Variants in EXTL2 observed in about 807,000 individuals in gnomAD.
EXTL2 encodes the protein exostosin-like 2.
In EXTL2, 23 loss-of-function variants were observed where a neutral mutation model predicts 30.7. The observed-to-expected ratio is 0.75, with a 90% CI of 0.54 to 1.06. The LOEUF (loss-of-function observed/expected upper bound fraction) is 1.06. Ranked by LOEUF, EXTL2 falls within the 50% of genes least tolerant of loss-of-function variation. The pLI, the probability that EXTL2 is intolerant of heterozygous loss-of-function variation, is 0.00. For missense variants in EXTL2, 352 were observed against 396.3 expected (o/e 0.89, Z 0.95); for synonymous variants, 123 against 133.8 (o/e 0.92, Z 0.56).
intron 2 of EXTL2, among the ~76,000 whole-genome samples, chr1:100,882,899 C>T (rs1649674368): frequency 6.6e-6 from 1 of 152,182 alleles, no homozygotes; most frequent in Admixed American, 6.5e-5. Context: ...AATTATATGA[C>T]TTATTGCACA....
chr1:100,888,924 C>G, intron 1 of EXTL2, 96 bp from the exon 2 acceptor site: 1 of 468,734 alleles, frequency 2.1e-6, no homozygotes, highest in East Asian at 2.9e-5. Context: ...ATGCCATTGT[C>G]CATAAGCCTT....
chr1:100,894,049 T>A (rs1212780793), intron 1 of EXTL2, among the ~76,000 whole-genome samples: 1 of 152,198 alleles, frequency 6.6e-6, no homozygotes, highest in South Asian at 2.1e-4. Flanking sequence ...AATATAGGAC[T>A]TATTTTCAAA....
At chr1:100,878,506 T>A in intron 2 of EXTL2, 2 of 469,604 alleles carry the variant, frequency 4.3e-6, no homozygotes, top group Non-Finnish European at 4.4e-6. Context: ...GCAGAGGAGA[T>A]GATAGGGAGA....
chr1:100,881,470 A>G (rs1435686372), intron 2 of EXTL2, among the ~76,000 whole-genome samples: 1 of 152,228 alleles, frequency 6.6e-6, no homozygotes, highest in Non-Finnish European at 1.5e-5. Flanking sequence ...TAAGAAGTAA[A>G]CATAAGCACC....
At chr1:100,881,111 A>G (rs1649519884) in intron 2 of EXTL2, 1 of 779,874 alleles carries the variant, frequency 1.3e-6, no homozygotes, top group Non-Finnish European at 1.6e-6. Context: ...CATAGTGTAA[A>G]TATTTCATGA....
chr1:100,877,715 G>A lies in EXTL2; in HGVS notation c.194C>T (p.Ser65Phe). ...IKSQGKSTMDSFTLIMQTYNR... is the reference protein window; with the variant it reads ...IKSQGKSTMDFFTLIMQTYNR... ...GTACGTCTGCATTATGAGAGTAAAG[G>A]AGTCCATGGTGGACTTGCCCTGGGA... is the stretch of plus-strand genomic sequence containing the variant. Residue 65 changes from serine (S) to phenylalanine (F), a missense_variant, in exon 3 of 5, where the codon TCC (serine) becomes TTC (phenylalanine). By Grantham distance (155) the Ser-to-Phe change is radical (BLOSUM62 -2). Coordinates refer to ENST00000370114, the MANE Select transcript of EXTL2 (RefSeq NM_001033025.3). This position sits in a 1 kb window ranked among gnomAD's most constrained non-coding sequence, Gnocchi z 4.1. 1.2e-6 allele frequency: 2 copies of A among 1,613,464 alleles called. No homozygotes were observed. The highest frequency in any genetic ancestry group is 1.7e-6 in the Non-Finnish European group (2 of 1,179,634).
At chr1:100,889,117 A>T (rs1650205491) in intron 1 of EXTL2, among the ~76,000 whole-genome samples, 1 of 152,250 alleles carries the variant, frequency 6.6e-6, no homozygotes, top group Admixed American at 6.5e-5. Context: ...TGGGTAATTT[A>T]TAAAGGAAAG....
Position 100,894,789 on chromosome 1 carries a change from G to A in EXTL2, c.-228C>T, listed in dbSNP as rs1650751088. 1 of 151,980 alleles carries A rather than the reference G, an allele frequency of 6.6e-6. No individual in the cohort carries two copies. The highest frequency in any genetic ancestry group is 1.5e-5 in the Non-Finnish European group (1 of 68,014). The allele number at this position is 151,980 out of a possible 1,614,324, so 9.4% of individuals were successfully genotyped here. A position where few individuals can be genotyped will look rare whatever the true frequency, so the allele number is the denominator to read the frequency against. On this transcript the variant is annotated 5_prime_UTR_variant, in exon 1 of 5. Coordinates refer to ENST00000370114, the MANE Select transcript of EXTL2 (RefSeq NM_001033025.3). ...TCTCCATTAGCTGGATTAACAACCT[G>A]GAAAAAGTGCCGCCCGCAAAGTGAG...
chr1:100,878,442 CA>C (rs1557953714), intron 2 of EXTL2: 4 of 470,972 alleles, frequency 8.5e-6, no homozygotes, highest in Non-Finnish European at 1.3e-5. Context: ...ACCACTGTTC[CA>C]GGTTCTGTGG....
In EXTL2 at chr1:100,872,521, T is replaced by C. The variant is rs1384900723; in HGVS notation, c.*1421A>G. 1 of 152,464 alleles carries C rather than the reference T, an allele frequency of 6.6e-6. No individual in the cohort carries two copies. Among genetic ancestry groups the C allele is most frequent in the African/African-American group, 2.4e-5 (1 of 41,422 alleles). The allele number at this position is 152,464 out of a possible 1,614,324, so 9.4% of individuals were successfully genotyped here. On this transcript the variant is annotated 3_prime_UTR_variant, in exon 5 of 5. Coordinates refer to ENST00000370114, the MANE Select transcript of EXTL2 (RefSeq NM_001033025.3). The stretch of plus-strand genomic sequence containing the variant: ...ATTCTTAGTTTCTTTGTTTTTGTTT[T>C]TTACAATCTGACTGCATTAAGACAC...
chr1:100,887,735 C>G (rs988001531), intron 2 of EXTL2, among the ~76,000 whole-genome samples: 6 of 151,878 alleles, frequency 4.0e-5, no homozygotes, highest in South Asian at 2.1e-4. Context: ...GACAGAGTCT[C>G]ACTCTGTCGC....
chr1:100,875,971 C>T (rs574702673), intron 4 of EXTL2, among the ~76,000 whole-genome samples: 23 of 152,104 alleles, frequency 1.5e-4, no homozygotes, highest in Middle Eastern at 6.8e-3. Context: ...GCACACTAGG[C>T]ATGAAATTAA....
At position 100,877,909 on chromosome 1, in the gene EXTL2, G is replaced by A. The variant is rs1436195533; in HGVS notation, c.6-6C>T. On this transcript the variant is annotated splice_polypyrimidine_tract_variant and splice_region_variant and intron_variant, in intron 2 of 4. Transcript: ENST00000370114. This position sits in a 1 kb window ranked among gnomAD's most constrained non-coding sequence, Gnocchi z 4.1. ...GTTTGCAGATGTGGCAACACCTGGA[G>A]TAGAAATGGAAACAACATACAAATG... 6.3e-7 allele frequency: 1 copy of A among 1,586,760 alleles called. No individual in the cohort carries two copies. The highest frequency in any genetic ancestry group is 1.7e-5 in the Admixed American group (1 of 58,780).
intron 2 of EXTL2, among the ~76,000 whole-genome samples, chr1:100,884,433 T>G (rs1209845209): frequency 6.6e-6 from 1 of 152,214 alleles, no homozygotes; most frequent in African/African-American, 2.4e-5. Flanking sequence ...CCTGAGCTGA[T>G]GCACGTAAGA....
intron 2 of EXTL2, among the ~76,000 whole-genome samples, chr1:100,882,322 C>A (rs912431781): frequency 1.3e-5 from 2 of 152,198 alleles, no homozygotes; most frequent in East Asian, 1.9e-4. Flanking sequence ...AAATATCCTG[C>A]GATGCACAGG....
chr1:100,886,782 G>A lies in EXTL2; in HGVS notation c.5+1971C>T, dbSNP rs117191458. On this transcript the variant is annotated intron_variant, in intron 2 of 4. Transcript: ENST00000370114. ...GAGGTCCTTTCTACTTTCAAACTGC[G>A]CAGGTCTGAATTATGCTAGATAAAA... 5.5e-4 allele frequency among the ~76,000 whole-genome samples: 84 copies of A among 152,222 alleles called. 2 individuals carry two copies. The East Asian group carries it at 0.015, about 27-fold the overall frequency.
At chr1:100,875,792 A>G (rs897343872) in intron 4 of EXTL2, among the ~76,000 whole-genome samples, 1 of 152,072 alleles carries the variant, frequency 6.6e-6, no homozygotes, top group African/African-American at 2.4e-5. Context: ...CAGTCCCCAT[A>G]TTCTGCCTCC....
At chr1:100,887,413 C>G (rs1352704833) in intron 2 of EXTL2, among the ~76,000 whole-genome samples, 1 of 152,212 alleles carries the variant, frequency 6.6e-6, no homozygotes, top group Non-Finnish European at 1.5e-5. Context: ...GTGCCCAGCA[C>G]TAAGTACTAA....
chr1:100,877,783 A>G lies in EXTL2; in HGVS notation c.126T>C (p.Ser42=). The change falls in exon 3 of 5, where the codon AGT becomes AGC. Residue 42 remains serine (S), a synonymous_variant. Coordinates refer to ENST00000370114, the MANE Select transcript of EXTL2 (RefSeq NM_001033025.3). The surrounding 1 kb of genome is among the most constrained non-coding windows in gnomAD (Gnocchi z 4.1). The stretch of plus-strand genomic sequence containing the variant: ...ACATGAGCATCTTGTCTTCTTTAAC[A>G]CTGGGAAGTAAGGCAGTCAAAGCAC... ...VAGALTALLP[S]VKEDKMLMLR... is the part of the protein sequence containing the mutation. 2 of 1,611,864 alleles carry G rather than the reference A, an allele frequency of 1.2e-6. No individual in the cohort carries two copies. Among genetic ancestry groups the G allele is most frequent in the Non-Finnish European group, 8.5e-7 (1 of 1,179,660 alleles).
Sources: allele counts gnomAD v4.1 joint callset (sites outside exome capture counted in the v4.1 genomes callset), GRCh38; gene constraint gnomAD v4.1.1; non-coding constraint Gnocchi (gnomAD v3.1); transcripts MANE v1.5; gene names NCBI Gene and HGNC (gene_info 2026-07-23, HGNC 2026-07-21).